ATP2C2: variants seen among roughly 807,000 people sequenced by gnomAD.
ATP2C2 encodes ATPase secretory pathway Ca2+ transporting 2, also known as calcium-transporting ATPase type 2C member 2.
A neutral mutation model predicts 110.8 loss-of-function variants in ATP2C2; 171 were observed. That is an observed-to-expected ratio of 1.54 (90% CI 1.36 to 1.75). ATP2C2 has a LOEUF of 1.75. Among genes scored for constraint, ATP2C2 ranks in the 40% most tolerant of loss-of-function variants. The pLI is 0.00. For synonymous variants in ATP2C2, 804 were observed against 508.4 expected (o/e 1.58, Z -7.82); for missense variants, 1,963 against 1,235.0 (o/e 1.59, Z -8.84).
At chr16:84,410,088 G>A (rs1222903753) in intron 4 of ATP2C2, among the ~76,000 whole-genome samples, 1 of 152,000 alleles carries the variant, frequency 6.6e-6, no homozygotes, top group Non-Finnish European at 1.5e-5. Flanking sequence ...ATGTGCCTGT[G>A]GTCCCAGCTA....
intron 18 of ATP2C2, among the ~76,000 whole-genome samples, chr16:84,452,352 C>G (rs113508598): frequency 6.6e-6 from 1 of 152,166 alleles, no homozygotes; most frequent in Admixed American, 6.5e-5. Flanking sequence ...GCTTTTCATC[C>G]GCTGTCTTCA....
intron 6 of ATP2C2, among the ~76,000 whole-genome samples, chr16:84,413,896 A>G (rs1567706769): frequency 6.6e-6 from 1 of 152,144 alleles, no homozygotes; most frequent in Non-Finnish European, 1.5e-5. Context: ...AGTGGAAGAA[A>G]TGGGGAGGCC....
intron 26 of ATP2C2, chr16:84,463,082 C>T (rs1380473884): frequency 5.1e-5 from 8 of 157,106 alleles, no homozygotes; most frequent in South Asian, 1.9e-4. Context: ...CGGCTTCCCA[C>T]GCCTGAAGGG....
intron 3 of ATP2C2, chr16:84,407,546 C>A (rs916103496): frequency 4.6e-5 from 7 of 152,194 alleles, no homozygotes; most frequent in Admixed American, 4.6e-4. Flanking sequence ...ACACGGCTGA[C>A]TGCAGCCTCA....
chr16:84,410,532 C>T (rs768209401), intron 4 of ATP2C2, 36 bp from the exon 5 acceptor site: 2 of 1,611,152 alleles, frequency 1.2e-6, no homozygotes, highest in Non-Finnish European at 1.7e-6. Flanking sequence ...CCCACTGAGC[C>T]TCTGGTACTG....
chr16:84,416,938 G>A (rs1359747637), intron 7 of ATP2C2, among the ~76,000 whole-genome samples: 1 of 151,954 alleles, frequency 6.6e-6, no homozygotes, highest in Non-Finnish European at 1.5e-5. Context: ...AACAGGGGAT[G>A]CTCCAGATGC....
At chr16:84,461,851 G>T (rs143506642) in intron 25 of ATP2C2, 39 bp downstream of exon 25, 4 of 1,609,356 alleles carry the variant, frequency 2.5e-6, no homozygotes, top group East Asian at 2.2e-5. Context: ...CAGAGCTGCT[G>T]TGTGTTCTCG....
chr16:84,454,681 A>T, intron 20 of ATP2C2, 137 bp from the exon 21 acceptor site: 1 of 852,844 alleles, frequency 1.2e-6, no homozygotes, highest in Non-Finnish European at 1.7e-6. Flanking sequence ...TCCCACAGCT[A>T]ATGTGGGTGA....
At chr16:84,398,646 A>C in intron 2 of ATP2C2, 37 bp downstream of exon 2, 1 of 1,519,308 alleles carries the variant, frequency 6.6e-7, no homozygotes, top group Non-Finnish European at 9.0e-7. Context: ...TAATTGTGAT[A>C]AGGTTTTATG....
rs550987087 is a variant in ATP2C2, at chr16:84,429,173, CAG to C, written c.986+3375_986+3376del. ...GTTTGTTTGTTTGTTTGTTTTCAGA[CAG>C]AGTTTCACTCTTGTCGCCCAGGCTG... On this transcript the variant is annotated intron_variant, in intron 11 of 26. Transcript: ENST00000262429. Among the ~76,000 whole-genome samples the C allele has an allele frequency of 5.2e-3, 794 of 152,148 alleles. 10 individuals carry two copies. The highest frequency in any genetic ancestry group is 0.018 in the African/African-American group (743 of 41,494).
intron 21 of ATP2C2, among the ~76,000 whole-genome samples, chr16:84,456,385 A>T (rs1202721520): frequency 6.6e-6 from 1 of 151,996 alleles, no homozygotes; most frequent in Non-Finnish European, 1.5e-5. Context: ...AGCCAATATC[A>T]TACTGAATGG....
chr16:84,425,765 G>A lies in ATP2C2; in HGVS notation c.950G>A (p.Gly317Glu), dbSNP rs1907756309. The change falls in exon 11 of 27, where the codon GGG (glycine) becomes GAG (glutamate). Residue 317 changes from glycine (G) to glutamate (E), a missense_variant. Gly to Glu is a moderately conservative substitution (Grantham distance 98, BLOSUM62 -2). Coordinates refer to ENST00000262429, the MANE Select transcript of ATP2C2 (RefSeq NM_014861.4). ...ATCATGCTCATTGGCTGGTCGCAAG[G>A]GAAACAACTCCTGAGTATGTTCACG... ...GLIMLIGWSQ[G>E]KQLLSMFTIG... The A allele has an allele frequency of 6.2e-7, 1 of 1,614,060 alleles. No homozygotes were observed. The highest frequency in any genetic ancestry group is 1.6e-4 in the Middle Eastern group (1 of 6,062).
At chr16:84,454,585 T>G (rs1377383551) in intron 20 of ATP2C2, among the ~76,000 whole-genome samples, 1 of 152,192 alleles carries the variant, frequency 6.6e-6, no homozygotes, top group Non-Finnish European at 1.5e-5. Context: ...AGTTTGGGCC[T>G]CACAACAGCC....
chr16:84,461,834 C>T (rs1457899896), intron 25 of ATP2C2, 22 bp downstream of exon 25: 10 of 1,611,310 alleles, frequency 6.2e-6, no homozygotes, highest in Non-Finnish European at 6.8e-6. Flanking sequence ...GCTGACCCTC[C>T]TCGCTGCAGA....
chr16:84,379,460 C>G (rs1910448017), intron 1 of ATP2C2, among the ~76,000 whole-genome samples: 1 of 152,218 alleles, frequency 6.6e-6, no homozygotes, highest in Non-Finnish European at 1.5e-5. Context: ...GCCACTGTGC[C>G]TGGCTGATCC....
intron 11 of ATP2C2, among the ~76,000 whole-genome samples, chr16:84,435,709 C>A (rs1908674484): frequency 1.8e-5 from 1 of 55,500 alleles, no homozygotes; most frequent in Non-Finnish European, 4.5e-5. Flanking sequence ...ATGCCTATGT[C>A]CCGGCTACCA....
intron 17 of ATP2C2, among the ~76,000 whole-genome samples, chr16:84,450,612 G>A (rs13337415): frequency 0.1 from 15,657 of 152,152 alleles, 1,007 homozygotes; most frequent in Non-Finnish European, 0.14. Flanking sequence ...GGGCGCCAGC[G>A]TCATTGGCGC....
chr16:84,368,980 C>G lies in ATP2C2; in HGVS notation c.99+266C>G, dbSNP rs182918060. Reference sequence around the variant, plus strand: ...GGTTAAGTATATTCCCTAAGGGGCACGGAGCTAGGAAGTGACCTGGCTGGG... The same window carrying G: ...GGTTAAGTATATTCCCTAAGGGGCAGGGAGCTAGGAAGTGACCTGGCTGGG... On this transcript the variant is annotated intron_variant, in intron 1 of 26. Coordinates refer to ENST00000262429, the MANE Select transcript of ATP2C2 (RefSeq NM_014861.4). Among the ~76,000 whole-genome samples, 10 of 152,186 alleles carry G rather than the reference C, an allele frequency of 6.6e-5. No homozygotes were observed. The South Asian group carries it at 1.2e-3, about 19-fold the overall frequency.
intron 15 of ATP2C2, among the ~76,000 whole-genome samples, chr16:84,444,274 A>T (rs1210907149): frequency 6.6e-6 from 1 of 150,764 alleles, no homozygotes; most frequent in African/African-American, 2.4e-5. Flanking sequence ...GGAGTTCAAG[A>T]CCAGCCTGGC....
Sources: gnomAD v4.1 joint callset for allele counts (sites outside exome capture counted in the v4.1 genomes callset) on GRCh38, gnomAD v4.1.1 for gene constraint, MANE v1.5 for transcripts, NCBI Gene and HGNC (gene_info 2026-07-23, HGNC 2026-07-21) for gene names.